The following FILIP1L variants were observed in gnomAD, a reference collection of about 807,000 sequenced individuals.
The protein encoded by FILIP1L is filamin A interacting protein 1 like, also known as filamin A-interacting protein 1-like.
In FILIP1L, 55 loss-of-function variants were observed where a neutral mutation model predicts 96.6. The observed-to-expected ratio is 0.57, with a 90% CI of 0.46 to 0.71. FILIP1L has a LOEUF of 0.71. Among genes scored for constraint, FILIP1L ranks in the 30% least tolerant of loss-of-function variants. The pLI, the probability that FILIP1L is intolerant of heterozygous loss-of-function variation, is 0.00. For missense variants in FILIP1L, 1,304 were observed against 1,321.2 expected, an observed-to-expected ratio of 0.99 and a Z score of 0.20; for synonymous variants, 467 against 473.9, an observed-to-expected ratio of 0.99 and a Z score of 0.19.
intron 4 of FILIP1L, among the ~76,000 whole-genome samples, chr3:99,881,197 T>C (rs945487734): frequency 1.3e-5 from 2 of 152,188 alleles, no homozygotes; most frequent in African/African-American, 2.4e-5. Flanking sequence ...GTAAGTAGAA[T>C]GACTTAGAAA....
At chr3:99,901,329 T>C (rs1400030313) in intron 4 of FILIP1L, among the ~76,000 whole-genome samples, 1 of 152,212 alleles carries the variant, frequency 6.6e-6, no homozygotes, top group African/African-American at 2.4e-5. Flanking sequence ...TATTTATTTC[T>C]AATGTTTATG....
intron 1 of FILIP1L, among the ~76,000 whole-genome samples, chr3:100,080,467 T>C (rs527494657): frequency 6.6e-5 from 10 of 152,260 alleles, no homozygotes; most frequent in African/African-American, 2.2e-4. Flanking sequence ...CTAGACAATT[T>C]CAATTTTATA....
chr3:99,888,990 T>C (rs1410521021), intron 4 of FILIP1L, among the ~76,000 whole-genome samples: 2 of 152,206 alleles, frequency 1.3e-5, no homozygotes, highest in African/African-American at 4.8e-5. Context: ...TTGATCAGTA[T>C]GTTATCTATC....
intron 4 of FILIP1L, among the ~76,000 whole-genome samples, chr3:99,864,939 T>G (rs1448155967): frequency 1.3e-5 from 2 of 152,192 alleles, no homozygotes; most frequent in Non-Finnish European, 2.9e-5. Context: ...ATTCAATGAT[T>G]AGTCAATCAT....
intron 1 of FILIP1L, among the ~76,000 whole-genome samples, chr3:100,045,492 G>A (rs546243752): frequency 1.3e-4 from 19 of 150,862 alleles, no homozygotes; most frequent in Non-Finnish European, 2.4e-4. Context: ...TTTTTTTTTT[G>A]TAATTTTTAA....
At chr3:100,070,012 T>A (rs2065734701) in intron 1 of FILIP1L, among the ~76,000 whole-genome samples, 1 of 152,102 alleles carries the variant, frequency 6.6e-6, no homozygotes, top group Non-Finnish European at 1.5e-5. Context: ...TCTTGTTTGA[T>A]CCTCAAATAA....
At chr3:99,887,400 C>T (rs1290961832) in intron 4 of FILIP1L, among the ~76,000 whole-genome samples, 1 of 152,204 alleles carries the variant, frequency 6.6e-6, no homozygotes, top group Non-Finnish European at 1.5e-5. Flanking sequence ...CCTGGATTTA[C>T]TATAGTCATT....
chr3:99,850,130 C>T lies in FILIP1L; in HGVS notation c.1546G>A (p.Asp516Asn). 1.9e-6 allele frequency: 3 copies of T among 1,612,040 alleles called. No individual in the cohort carries two copies. The highest frequency in any genetic ancestry group is 2.5e-6 in the Non-Finnish European group (3 of 1,179,622). The change falls in exon 5 of 6, where the codon GAT (aspartate) becomes AAT (asparagine). Residue 516 changes from aspartate (D) to asparagine (N), a missense_variant. Physicochemically the swap from Asp to Asn is conservative, Grantham distance 23. Coordinates refer to ENST00000477258, the MANE Select transcript of FILIP1L (RefSeq NM_001387850.1). ...TGAGAAGAAGCAGCTTGTAATTTAT[C>T]TTCAGTTTTCTTTAATTTTTCACTC... ...TMSEKLKKTE[D>N]KLQAASSQLQ...
At chr3:99,844,748 C>G (rs1194555162) in intron 5 of FILIP1L, among the ~76,000 whole-genome samples, 1 of 152,162 alleles carries the variant, frequency 6.6e-6, no homozygotes, top group African/African-American at 2.4e-5. Context: ...TAACTGAAAT[C>G]CCCGTTTGGA....
At chr3:100,066,191 G>T (rs1272290007) in intron 1 of FILIP1L, among the ~76,000 whole-genome samples, 1 of 152,076 alleles carries the variant, frequency 6.6e-6, no homozygotes, top group Non-Finnish European at 1.5e-5. Context: ...GCAGTATAAT[G>T]ATTTTGTTTT....
intron 1 of FILIP1L, among the ~76,000 whole-genome samples, chr3:100,016,870 A>G (rs1282374650): frequency 1.3e-5 from 2 of 152,244 alleles, no homozygotes; most frequent in Non-Finnish European, 2.9e-5. Flanking sequence ...TATGTTATCT[A>G]ATGGCAAAGT....
intron 1 of FILIP1L, among the ~76,000 whole-genome samples, chr3:99,988,419 G>A (rs1193038427): frequency 6.7e-6 from 1 of 149,430 alleles, no homozygotes. Context: ...GGCTGAGACA[G>A]GAGAATCGCT....
chr3:100,098,127 T>C (rs2066243098), intron 1 of FILIP1L, among the ~76,000 whole-genome samples: 1 of 152,190 alleles, frequency 6.6e-6, no homozygotes. Flanking sequence ...GCCAACCCAC[T>C]GGAGTCTGTA....
chr3:99,965,292 G>A (rs894355345), intron 1 of FILIP1L, among the ~76,000 whole-genome samples: 5 of 152,194 alleles, frequency 3.3e-5, no homozygotes, highest in Admixed American at 2.0e-4. Flanking sequence ...ATATGTGGGA[G>A]TTTTATAATT....
At chr3:99,917,247 G>T (rs1453446398) in intron 4 of FILIP1L, among the ~76,000 whole-genome samples, 6 of 152,104 alleles carry the variant, frequency 3.9e-5, no homozygotes, top group Non-Finnish European at 8.8e-5. Context: ...CCACAGTGTT[G>T]CAACAGTGGT....
chr3:99,915,176 C>A (rs1392395306), intron 4 of FILIP1L, among the ~76,000 whole-genome samples: 1 of 152,126 alleles, frequency 6.6e-6, no homozygotes, highest in African/African-American at 2.4e-5. Flanking sequence ...ATATCCCATT[C>A]TCCCATGACC....
chr3:99,869,860 T>C (rs928934969), intron 4 of FILIP1L, among the ~76,000 whole-genome samples: 1 of 152,214 alleles, frequency 6.6e-6, no homozygotes. Context: ...ACAATAAATC[T>C]GGCAGATTTG....
chr3:99,839,326 T>A (rs572871842), intron 5 of FILIP1L, among the ~76,000 whole-genome samples: 3 of 152,220 alleles, frequency 2.0e-5, no homozygotes, highest in Non-Finnish European at 4.4e-5. Context: ...GGCACAATAA[T>A]GAGCAATATT....
At chr3:100,109,205 G>A (rs985868443) in intron 1 of FILIP1L, among the ~76,000 whole-genome samples, 7 of 151,450 alleles carry the variant, frequency 4.6e-5, no homozygotes, top group Non-Finnish European at 1.0e-4. Context: ...TTTCTTTTGT[G>A]TGTTTTAATA....
Sources: gnomAD v4.1 joint callset for allele counts (sites outside exome capture counted in the v4.1 genomes callset) on GRCh38, gnomAD v4.1.1 for gene constraint, MANE v1.5 for transcripts, NCBI Gene and HGNC (gene_info 2026-07-23, HGNC 2026-07-21) for gene names.